Variants in ADGRL2 observed in about 807,000 individuals in gnomAD.
ADGRL2 encodes adhesion G protein-coupled receptor L2.
In ADGRL2, 44 loss-of-function variants were observed where a neutral mutation model predicts 157.4. The observed-to-expected ratio is 0.28, with a 90% CI of 0.22 to 0.36. ADGRL2 has a LOEUF of 0.36. Among genes scored for constraint, ADGRL2 ranks in the 10% least tolerant of loss-of-function variants. The probability of loss-of-function intolerance (pLI) is 1.00; values close to 1 mark genes in which losing one functional copy is unlikely to be tolerated. For missense variants in ADGRL2, 1,510 were observed against 1,768.9 expected, an observed-to-expected ratio of 0.85 and a Z score of 2.63; for synonymous variants, 585 against 624.7, an observed-to-expected ratio of 0.94 and a Z score of 0.95.
At position 81,992,608 on chromosome 1, in the gene ADGRL2, A is replaced by C. The variant is rs1461177854; in HGVS notation, c.*1463A>C. ...CCAATTGCCCACTACATATGCACAAAATCTGCTGGATAAGTTTTAAGAGGG... is the reference window on the plus strand; with the variant it reads ...CCAATTGCCCACTACATATGCACAACATCTGCTGGATAAGTTTTAAGAGGG... On this transcript the variant is annotated 3_prime_UTR_variant, in exon 24 of 24. Coordinates refer to ENST00000686636, the MANE Select transcript of ADGRL2 (RefSeq NM_001366006.2). Among the ~76,000 whole-genome samples, 1 of 152,120 alleles carries C rather than the reference A, an allele frequency of 6.6e-6. No homozygotes were observed. Among genetic ancestry groups the C allele is most frequent in the African/African-American group, 2.4e-5 (1 of 41,426 alleles).
intron 17 of ADGRL2, among the ~76,000 whole-genome samples, chr1:81,978,764 C>A (rs1274883928): frequency 6.6e-6 from 1 of 151,800 alleles, no homozygotes; most frequent in South Asian, 2.1e-4. Flanking sequence ...TATTGTGACT[C>A]AGTAAAAATG....
At chr1:81,405,922 T>A (rs1411866707) in intron 1 of ADGRL2, among the ~76,000 whole-genome samples, 3 of 152,200 alleles carry the variant, frequency 2.0e-5, no homozygotes, top group African/African-American at 7.2e-5. Flanking sequence ...AAAAGTTATA[T>A]AATTTTAGTC....
At chr1:81,891,614 C>T (rs1277559143) in intron 2 of ADGRL2, among the ~76,000 whole-genome samples, 1 of 152,034 alleles carries the variant, frequency 6.6e-6, no homozygotes, top group South Asian at 2.1e-4. Flanking sequence ...TTCATTTTCC[C>T]TTTCCATTTC....
chr1:81,918,641 G>T (rs2094913104), intron 3 of ADGRL2, among the ~76,000 whole-genome samples: 1 of 152,106 alleles, frequency 6.6e-6, no homozygotes, highest in Non-Finnish European at 1.5e-5. Context: ...TTGTGGCAGT[G>T]TGGGTGCATG....
intron 3 of ADGRL2, among the ~76,000 whole-genome samples, chr1:81,636,023 G>T (rs1335215486): frequency 6.6e-6 from 1 of 152,100 alleles, no homozygotes; most frequent in African/African-American, 2.4e-5. Flanking sequence ...TTCCTTAAAG[G>T]CACAGACTGT....
chr1:81,593,264 A>G (rs2081168921), intron 3 of ADGRL2, among the ~76,000 whole-genome samples: 1 of 152,176 alleles, frequency 6.6e-6, no homozygotes, highest in East Asian at 1.9e-4. Flanking sequence ...TTCTCCTATC[A>G]CCTGGCGCTC....
At chr1:81,503,108 T>C in intron 2 of ADGRL2, 1 of 1,612,742 alleles carries the variant, frequency 6.2e-7, no homozygotes, top group South Asian at 1.1e-5. Flanking sequence ...GCGTCGAGGC[T>C]GTCTGAGGAG....
At chr1:81,885,387 A>T (rs193212797) in intron 2 of ADGRL2, among the ~76,000 whole-genome samples, 22 of 152,310 alleles carry the variant, frequency 1.4e-4, no homozygotes, top group Admixed American at 1.2e-3. Flanking sequence ...TCTTCTAATG[A>T]TAAATTAATT....
At chr1:81,678,896 G>A (rs2083050223) in intron 3 of ADGRL2, among the ~76,000 whole-genome samples, 1 of 152,172 alleles carries the variant, frequency 6.6e-6, no homozygotes, top group African/African-American at 2.4e-5. Flanking sequence ...CTAGCATAGT[G>A]CTGACAGTGA....
At chr1:81,785,385 A>T (rs2149395695) in intron 2 of ADGRL2, among the ~76,000 whole-genome samples, 1 of 152,280 alleles carries the variant, frequency 6.6e-6, no homozygotes, top group South Asian at 2.1e-4. Flanking sequence ...TTTTAAGCTA[A>T]TAATAAAGAA....
At chr1:81,852,146 C>G (rs1405587053) in intron 2 of ADGRL2, among the ~76,000 whole-genome samples, 1 of 151,978 alleles carries the variant, frequency 6.6e-6, no homozygotes, top group Non-Finnish European at 1.5e-5. Context: ...TCATTACCAC[C>G]TCGTTTTAAA....
upstream of ADGRL2, among the ~76,000 whole-genome samples, chr1:81,694,855 G>GA (rs1196679802): frequency 3.3e-5 from 5 of 152,250 alleles, no homozygotes; most frequent in South Asian, 1.0e-3. Flanking sequence ...TGAACATTGT[G>GA]AATCCTACAT....
intron 3 of ADGRL2, among the ~76,000 whole-genome samples, chr1:81,581,180 A>G (rs2080899032): frequency 6.6e-6 from 1 of 152,198 alleles, no homozygotes; most frequent in South Asian, 2.1e-4. Context: ...TTTCTAAAAC[A>G]GTATTTTACA....
chr1:81,598,399 A>G (rs1416973642), intron 3 of ADGRL2, among the ~76,000 whole-genome samples: 1 of 152,216 alleles, frequency 6.6e-6, no homozygotes, highest in African/African-American at 2.4e-5. Context: ...AAGCGTGAAA[A>G]AAATATTCTT....
At chr1:81,788,473 G>A (rs1434989024) in intron 2 of ADGRL2, among the ~76,000 whole-genome samples, 1 of 152,074 alleles carries the variant, frequency 6.6e-6, no homozygotes, top group African/African-American at 2.4e-5. Flanking sequence ...GCTTCCTGAG[G>A]CCCTCAGCAG....
chr1:81,319,683 G>T (rs1000999500), intron 1 of ADGRL2, among the ~76,000 whole-genome samples: 2 of 152,182 alleles, frequency 1.3e-5, no homozygotes, highest in African/African-American at 4.8e-5. Context: ...AGTTTGTATT[G>T]CATTCATTAA....
At chr1:81,366,227 T>C (rs2076064082) in intron 1 of ADGRL2, among the ~76,000 whole-genome samples, 1 of 152,076 alleles carries the variant, frequency 6.6e-6, no homozygotes, top group South Asian at 2.1e-4. Flanking sequence ...AAAGGAATCT[T>C]AGGCACTTCC....
chr1:81,502,429 T>A lies in ADGRL2; in HGVS notation c.-248+57340T>A. On this transcript the variant is annotated intron_variant, in intron 2 of 24. Transcript: ENST00000370721. The stretch of plus-strand genomic sequence containing the variant: ...AGCTGTATGAACTGGACGGTGATCC[T>A]GAAAGGAAAGAGTTCCTGGATGACC... 3 of 1,614,048 alleles carry A rather than the reference T, an allele frequency of 1.9e-6. No individual in the cohort carries two copies. In the Admixed American group the frequency reaches 5.0e-5, roughly 27 times the overall value.
chr1:81,939,962 G>T (rs868073465), intron 4 of ADGRL2, among the ~76,000 whole-genome samples: 1 of 150,848 alleles, frequency 6.6e-6, no homozygotes. Context: ...CTTTTCAACA[G>T]AATTATAAAA....
Sources: gnomAD v4.1 joint callset for allele counts (sites outside exome capture counted in the v4.1 genomes callset) on GRCh38, gnomAD v4.1.1 for gene constraint, MANE v1.5 for transcripts, NCBI Gene and HGNC (gene_info 2026-07-23, HGNC 2026-07-21) for gene names.